The following SFMBT2 variants were observed in gnomAD, a reference collection of about 807,000 sequenced individuals.
The protein encoded by SFMBT2 is Scm like with four mbt domains 2.
Under a neutral mutation model 110.1 loss-of-function variants are expected in SFMBT2, and 38 were observed. The ratio of observed to expected loss-of-function variants is 0.35; its 90% CI spans 0.27 to 0.45. The LOEUF (loss-of-function observed/expected upper bound fraction) is 0.45, where lower values mean the gene tolerates loss of function less well. SFMBT2 is among the 20% of genes least tolerant of loss of function. SFMBT2 has a pLI of 1.00. For synonymous variants in SFMBT2, 425 were observed against 425.4 expected, an observed-to-expected ratio of 1.00 and a Z score of 0.01; for missense variants, 1,011 against 1,094.9, an observed-to-expected ratio of 0.92 and a Z score of 1.08.
In SFMBT2 at chr10:7,401,934, G is replaced by A. The variant is rs921201556; in HGVS notation, c.-52+8927C>T. Among the ~76,000 whole-genome samples, 9 of 152,056 alleles carry A rather than the reference G, an allele frequency of 5.9e-5. No homozygotes were observed. The East Asian group carries it at 1.3e-3, about 23-fold the overall frequency. The stretch of plus-strand genomic sequence containing the variant: ...ATACCAACTGCAGGCTATTTAGAAC[G>A]GTCTCCTACGAATGTCTGTCTTTAA... On this transcript the variant is annotated intron_variant, in intron 1 of 20. Transcript: ENST00000397167.
intron 20 of SFMBT2, among the ~76,000 whole-genome samples, chr10:7,168,146 G>A (rs575480644): frequency 6.6e-6 from 1 of 152,172 alleles, no homozygotes; most frequent in African/African-American, 2.4e-5. Context: ...GCTTAGCTTA[G>A]GGAAGGCATG....
At chr10:7,181,214 G>A (rs1838238307) in intron 16 of SFMBT2, among the ~76,000 whole-genome samples, 1 of 150,706 alleles carries the variant, frequency 6.6e-6, no homozygotes, top group African/African-American at 2.5e-5. Flanking sequence ...ATTCCAGCCT[G>A]GGTGACAAAG....
At chr10:7,193,706 C>G in intron 15 of SFMBT2, among the ~76,000 whole-genome samples, 1 of 152,212 alleles carries the variant, frequency 6.6e-6, no homozygotes, top group Non-Finnish European at 1.5e-5. Flanking sequence ...CTCTTTCACA[C>G]ACAGACACTA....
chr10:7,385,594 A>G (rs1300416128), intron 1 of SFMBT2, among the ~76,000 whole-genome samples: 1 of 152,232 alleles, frequency 6.6e-6, no homozygotes, highest in Non-Finnish European at 1.5e-5. Context: ...GATCATAACA[A>G]AAAACACAGC....
At chr10:7,325,982 G>A (rs1160245305) in intron 4 of SFMBT2, among the ~76,000 whole-genome samples, 1 of 152,198 alleles carries the variant, frequency 6.6e-6, no homozygotes, top group Non-Finnish European at 1.5e-5. Flanking sequence ...TTTCTATGCA[G>A]TATTTTGAAT....
intron 12 of SFMBT2, chr10:7,205,489 G>C (rs1839099187): frequency 1.0e-6 from 1 of 983,282 alleles, no homozygotes; most frequent in African/African-American, 1.8e-5. Flanking sequence ...TAAAGAAATG[G>C]TAACACAATA....
In SFMBT2 at chr10:7,171,882, G is replaced by A. The variant is rs375727319; in HGVS notation, c.2415+13C>T. 1.1e-4 allele frequency: 162 copies of A among 1,409,234 alleles called. No individual in the cohort carries two copies. Among genetic ancestry groups the A allele is most frequent in the Non-Finnish European group, 1.3e-4 (136 of 1,084,464 alleles). The allele number at this position is 1,409,234 out of a possible 1,614,324, so 87.3% of individuals were successfully genotyped here. A position where few individuals can be genotyped will look rare whatever the true frequency, so the allele number is the denominator to read the frequency against. On this transcript the variant is annotated intron_variant, in intron 19 of 20. Transcript: ENST00000397167. This position sits in a 1 kb window ranked among gnomAD's most constrained non-coding sequence, Gnocchi z 4.9. ...CCAGCGGGAAGCCCTCTGTCCCCAC[G>A]CCCGGGCATCACCTCTGTCCCCTCG...
chr10:7,284,503 T>A, intron 5 of SFMBT2: 2 of 837,002 alleles, frequency 2.4e-6, no homozygotes, highest in Non-Finnish European at 2.9e-6. Flanking sequence ...TGCCTGGACC[T>A]AGAAAACGTG....
intron 4 of SFMBT2, among the ~76,000 whole-genome samples, chr10:7,294,159 A>T (rs927754571): frequency 2.0e-5 from 3 of 152,194 alleles, no homozygotes; most frequent in African/African-American, 7.2e-5. Context: ...ATTACTGCTT[A>T]TCCCCTAATA....
In SFMBT2 at chr10:7,189,113, T is replaced by C. The variant is rs1443534984; in HGVS notation, c.1699-380A>G. On this transcript the variant is annotated intron_variant, in intron 15 of 20. Transcript: ENST00000397167. ...GCTACTGAGAATTTCATTCTATTTT[T>C]ACAGATTTCATAAGGAACTAATGAA... The C allele has an allele frequency of 5.1e-6, 5 of 972,148 alleles. No homozygotes were observed. The Admixed American group carries it at 2.5e-4, about 48-fold the overall frequency. The allele number at this position is 972,148 out of a possible 1,614,324, so 60.2% of individuals were successfully genotyped here. A position where few individuals can be genotyped will look rare whatever the true frequency, so the allele number is the denominator to read the frequency against.
At chr10:7,184,402 G>A (rs768299842) in intron 16 of SFMBT2, among the ~76,000 whole-genome samples, 5 of 152,044 alleles carry the variant, frequency 3.3e-5, no homozygotes, top group Non-Finnish European at 5.9e-5. Flanking sequence ...TCTCTTGTCT[G>A]CCACCATGTG....
chr10:7,190,962 T>G (rs994016184), intron 15 of SFMBT2, among the ~76,000 whole-genome samples: 6 of 152,230 alleles, frequency 3.9e-5, no homozygotes, highest in African/African-American at 1.2e-4. Context: ...TCATGAGATC[T>G]GATGGTTTTA....
chr10:7,288,571 T>G (rs1043623152), intron 4 of SFMBT2, among the ~76,000 whole-genome samples: 4 of 152,208 alleles, frequency 2.6e-5, no homozygotes, highest in Admixed American at 1.3e-4. Flanking sequence ...CCCTCTTGCA[T>G]GTCTAGGGTC....
chr10:7,343,805 T>C (rs946771028), intron 4 of SFMBT2, among the ~76,000 whole-genome samples: 1 of 152,232 alleles, frequency 6.6e-6, no homozygotes, highest in Non-Finnish European at 1.5e-5. Flanking sequence ...AGCAAACCGT[T>C]AAGACCATGG....
chr10:7,369,352 A>G (rs1016004464), intron 3 of SFMBT2, among the ~76,000 whole-genome samples: 5 of 152,224 alleles, frequency 3.3e-5, no homozygotes, highest in African/African-American at 1.2e-4. Context: ...TATTAAAACA[A>G]AAATTAAAGA....
intron 7 of SFMBT2, among the ~76,000 whole-genome samples, chr10:7,256,508 A>G (rs926892473): frequency 6.6e-6 from 1 of 152,216 alleles, no homozygotes; most frequent in African/African-American, 2.4e-5. Context: ...TACTTCCAAA[A>G]TGTTTACCTA....
At chr10:7,213,582 G>A (rs1321075645) in intron 11 of SFMBT2, among the ~76,000 whole-genome samples, 2 of 152,246 alleles carry the variant, frequency 1.3e-5, no homozygotes, top group Non-Finnish European at 2.9e-5. Context: ...ACGGAGAAGA[G>A]CAGAGACGGG....
At chr10:7,396,692 A>T (rs1468103888) in intron 1 of SFMBT2, among the ~76,000 whole-genome samples, 1 of 151,928 alleles carries the variant, frequency 6.6e-6, no homozygotes, top group African/African-American at 2.4e-5. Flanking sequence ...CATTGTGCAT[A>T]TACACCATGG....
chr10:7,171,840 G>T lies in SFMBT2; in HGVS notation c.2415+55C>A, dbSNP rs1271882379. 4 of 1,370,312 alleles carry T rather than the reference G, an allele frequency of 2.9e-6. No individual in the cohort carries two copies. The African/African-American group carries it at 4.6e-5, about 16-fold the overall frequency. The allele number at this position is 1,370,312 out of a possible 1,614,324, so 84.9% of individuals were successfully genotyped here. On this transcript the variant is annotated intron_variant, in intron 19 of 20. Transcript: ENST00000397167. The surrounding 1 kb of genome is among the most constrained non-coding windows in gnomAD (Gnocchi z 4.9). ...CACATCGTGGCCCTGAAGTGTAACA[G>T]GTGTGCTTCTTCAGACCCAGCGGGA...
Sources: gnomAD v4.1 joint callset for allele counts (sites outside exome capture counted in the v4.1 genomes callset) on GRCh38, gnomAD v4.1.1 for gene constraint, Gnocchi (gnomAD v3.1) non-coding constraint, MANE v1.5 for transcripts, NCBI Gene and HGNC (gene_info 2026-07-23, HGNC 2026-07-21) for gene names.